DUSP5: variants seen among roughly 807,000 people sequenced by gnomAD.
The protein encoded by DUSP5 is dual specificity phosphatase 5.
DUSP5 carries 22 observed loss-of-function variants against 33.6 expected under a neutral mutation model. The ratio of observed to expected loss-of-function variants is 0.66; its 90% CI spans 0.47 to 0.94. The LOEUF (loss-of-function observed/expected upper bound fraction) is 0.94. Ranked by LOEUF, DUSP5 falls within the 40% of genes least tolerant of loss-of-function variation. The pLI is 0.00. For missense variants in DUSP5, 551 were observed against 522.1 expected (o/e 1.06, Z -0.54); for synonymous variants, 270 against 231.1 (o/e 1.17, Z -1.53).
chr10:110,504,811 G>A (rs1860098692), intron 2 of DUSP5, among the ~76,000 whole-genome samples: 1 of 152,202 alleles, frequency 6.6e-6, no homozygotes, highest in Non-Finnish European at 1.5e-5. Context: ...GCAGCTATGT[G>A]ACGTGCCAGG....
intron 1 of DUSP5, among the ~76,000 whole-genome samples, chr10:110,502,135 C>G (rs921638745): frequency 6.9e-6 from 1 of 145,472 alleles, no homozygotes; most frequent in Middle Eastern, 3.5e-3. Context: ...ATTGATGACT[C>G]CAAATTGGAC....
intron 2 of DUSP5, 104 bp from the exon 3 acceptor site, chr10:110,506,831 G>A: frequency 7.8e-7 from 1 of 1,274,962 alleles, no homozygotes; most frequent in Non-Finnish European, 1.1e-6. Flanking sequence ...ACCAGAAAGG[G>A]AACCACCCAT....
chr10:110,502,561 G>C (rs1860066790), intron 1 of DUSP5, among the ~76,000 whole-genome samples, 160 bp from the exon 2 acceptor site: 1 of 152,070 alleles, frequency 6.6e-6, no homozygotes, highest in African/African-American at 2.4e-5. Context: ...TTCTAAATCT[G>C]TTTGCTGGTT....
In DUSP5 at chr10:110,510,006, T is replaced by C; in HGVS notation, c.749-14T>C. 1 of 1,565,724 alleles carries C rather than the reference T, an allele frequency of 6.4e-7. No homozygotes were observed. ...TAATCCCAACTCACTCCCACCATCT[T>C]TTCTTCCTTCCAGACTGTGTCAGGG... is the stretch of plus-strand genomic sequence containing the variant. On this transcript the variant is annotated splice_polypyrimidine_tract_variant and intron_variant, in intron 3 of 3. Coordinates refer to ENST00000369583, the MANE Select transcript of DUSP5 (RefSeq NM_004419.4).
rs1267378430 is a variant in DUSP5, at chr10:110,498,537, G to A, written c.379+37G>A. 3 of 1,406,800 alleles carry A rather than the reference G, an allele frequency of 2.1e-6. No individual in the cohort carries two copies. The Admixed American group carries it at 9.0e-5, about 42-fold the overall frequency. The allele number at this position is 1,406,800 out of a possible 1,614,324, so 87.1% of individuals were successfully genotyped here. The stretch of plus-strand genomic sequence containing the variant: ...GGGTCCCTGCCACGCTCGCCCCTCC[G>A]GCGCCCCCGGGTCCCCTCCCTGCGC... On this transcript the variant is annotated intron_variant, in intron 1 of 3. Coordinates refer to ENST00000369583, the MANE Select transcript of DUSP5 (RefSeq NM_004419.4).
At position 110,510,733 on chromosome 10, in the gene DUSP5, A is replaced by T. The variant is rs1860181785; in HGVS notation, c.*307A>T. 6.7e-6 allele frequency: 2 copies of T among 296,832 alleles called. No individual in the cohort carries two copies. The allele number at this position is 296,832 out of a possible 1,614,324, so 18.4% of individuals were successfully genotyped here. On this transcript the variant is annotated 3_prime_UTR_variant, in exon 4 of 4. Coordinates refer to ENST00000369583, the MANE Select transcript of DUSP5 (RefSeq NM_004419.4). ...GAGTTCGCCTTTTCATTTCAAGCAT[A>T]AGGCAATAAATACCTGCAGCAACGT...
chr10:110,498,120 G>T lies in DUSP5; in HGVS notation c.-2G>T, dbSNP rs1859980334. On this transcript the variant is annotated 5_prime_UTR_variant, in exon 1 of 4. Coordinates refer to ENST00000369583, the MANE Select transcript of DUSP5 (RefSeq NM_004419.4). ...GGGCCGCTGGCCGGCGGCGGCGGCGGCATGAAGGTCACGTCGCTCGACGGG... is the reference window on the plus strand; with the variant it reads ...GGGCCGCTGGCCGGCGGCGGCGGCGTCATGAAGGTCACGTCGCTCGACGGG... The T allele has an allele frequency of 7.3e-7, 1 of 1,377,792 alleles. No homozygotes were observed. The allele number at this position is 1,377,792 out of a possible 1,614,324, so 85.3% of individuals were successfully genotyped here.
intron 1 of DUSP5, among the ~76,000 whole-genome samples, chr10:110,499,040 C>T (rs1175422721): frequency 3.9e-5 from 6 of 152,036 alleles, no homozygotes; most frequent in African/African-American, 2.4e-5. Flanking sequence ...TTATTGTTTC[C>T]CTCCGGCCTC....
rs1859986378 is a variant in DUSP5 at position 110,498,293 on chromosome 10, G to A, written c.172G>A (p.Gly58Ser). 2 of 1,444,688 alleles carry A rather than the reference G, an allele frequency of 1.4e-6. No homozygotes were observed. The highest frequency in any genetic ancestry group is 1.8e-6 in the Non-Finnish European group (2 of 1,092,932). 89.5% of individuals were successfully genotyped at this position (1,444,688 alleles called of 1,614,324 possible). The change falls in exon 1 of 4, where the codon GGC (glycine) becomes AGC (serine). Residue 58 changes from glycine to serine, a missense_variant. Gly to Ser is a moderately conservative substitution (Grantham distance 56). Around this residue, in one of 3 missense-constraint regions of DUSP5, gnomAD observed 381 missense variants for 310.4 expected, o/e 1.23. Coordinates refer to ENST00000369583, the MANE Select transcript of DUSP5 (RefSeq NM_004419.4). Reference protein sequence around the residue: ...NSVVLRRARGGAVSARYVLPD... With the variant: ...NSVVLRRARGSAVSARYVLPD... Reference sequence around the variant, plus strand: ...GGTGGTGCTGCGGCGGGCCCGGGGCGGCGCGGTGTCGGCGCGCTACGTGCT... The same window carrying A: ...GGTGGTGCTGCGGCGGGCCCGGGGCAGCGCGGTGTCGGCGCGCTACGTGCT...
intron 2 of DUSP5, among the ~76,000 whole-genome samples, chr10:110,504,830 C>T (rs1430783691): frequency 6.6e-6 from 1 of 152,210 alleles, no homozygotes; most frequent in Non-Finnish European, 1.5e-5. Flanking sequence ...GGTTTTAATG[C>T]ATTCATTATC....
At position 110,510,194 on chromosome 10, in the gene DUSP5, G is replaced by A; in HGVS notation, c.923G>A (p.Gly308Asp). The part of the protein sequence containing the change: ...SMVSPNFGFM[G>D]QLLQYESEIL... ...GTCTCGCCCAACTTTGGCTTCATGG[G>A]CCAGCTCCTGCAGTACGAATCTGAG... is the stretch of plus-strand genomic sequence containing the variant. The change falls in exon 4 of 4, where the codon GGC becomes GAC. Residue 308 changes from glycine (G) to aspartate (D), a missense_variant. Gly to Asp is a moderately conservative substitution (Grantham distance 94). Transcript: ENST00000369583. 1 of 1,614,210 alleles carries A rather than the reference G, an allele frequency of 6.2e-7. No individual in the cohort carries two copies. The highest frequency in any genetic ancestry group is 8.5e-7 in the Non-Finnish European group (1 of 1,180,022).
intron 1 of DUSP5, among the ~76,000 whole-genome samples, chr10:110,500,667 C>G (rs899881673): frequency 2.0e-5 from 3 of 152,220 alleles, no homozygotes; most frequent in African/African-American, 4.8e-5. Flanking sequence ...TGTGCTCTCT[C>G]TGTTCCCTGG....
chr10:110,508,030 G>T (rs1487903666), intron 3 of DUSP5, among the ~76,000 whole-genome samples: 1 of 152,224 alleles, frequency 6.6e-6, no homozygotes, highest in Non-Finnish European at 1.5e-5. Flanking sequence ...CCTGTCTCTT[G>T]TTCCAAGGGA....
At chr10:110,505,562 G>T (rs1860107508) in intron 2 of DUSP5, among the ~76,000 whole-genome samples, 1 of 152,168 alleles carries the variant, frequency 6.6e-6, no homozygotes, top group South Asian at 2.1e-4. Flanking sequence ...CCTGTGGCTG[G>T]CCCCTGTCCC....
intron 1 of DUSP5, among the ~76,000 whole-genome samples, chr10:110,499,242 A>G (rs1860007685): frequency 6.6e-6 from 1 of 151,128 alleles, no homozygotes; most frequent in Admixed American, 6.6e-5. Context: ...TTGATTTGAC[A>G]CCTCCCGGAG....
Position 110,507,139 on chromosome 10 carries a change from G to A in DUSP5, c.733G>A (p.Ala245Thr), listed in dbSNP as rs1296595016. 1.9e-6 allele frequency: 3 copies of A among 1,613,486 alleles called. No homozygotes were observed. Among genetic ancestry groups the A allele is most frequent in the Non-Finnish European group, 1.7e-6 (2 of 1,180,026 alleles). ...TADISSHFQEAIDFIDCVREK... is the reference protein window; with the variant it reads ...TADISSHFQETIDFIDCVREK... ...TGACATTAGCTCCCACTTTCAAGAA[G>A]CAATAGACTTCATTGGTAGGTTTAG... Residue 245 changes from alanine (A) to threonine (T), a missense_variant, in exon 3 of 4, where the codon GCA becomes ACA. Ala to Thr is a moderately conservative substitution (Grantham distance 58). This residue lies in a region of DUSP5 where 158 missense variants were observed against 181.8 expected (regional missense o/e 0.87). Transcript: ENST00000369583.
chr10:110,498,832 G>A (rs896591089), intron 1 of DUSP5, among the ~76,000 whole-genome samples: 1 of 152,098 alleles, frequency 6.6e-6, no homozygotes, highest in Non-Finnish European at 1.5e-5. Context: ...CGCGAGCTTC[G>A]CCGCTGTCGC....
At chr10:110,498,537 G>T in intron 1 of DUSP5, 37 bp downstream of exon 1, 2 of 1,406,800 alleles carry the variant, frequency 1.4e-6, no homozygotes, top group East Asian at 5.9e-5. Flanking sequence ...TCGCCCCTCC[G>T]GCGCCCCCGG....
intron 2 of DUSP5, among the ~76,000 whole-genome samples, chr10:110,505,060 G>C (rs889080847): frequency 6.6e-6 from 1 of 152,224 alleles, no homozygotes; most frequent in African/African-American, 2.4e-5. Context: ...TGGAAGTTTG[G>C]GAGGTTTCGA....
Sources: gnomAD v4.1 joint callset for allele counts (sites outside exome capture counted in the v4.1 genomes callset) on GRCh38, gnomAD v4.1.1 for gene constraint, gnomAD v4.1.1 regional missense constraint, MANE v1.5 for transcripts, NCBI Gene and HGNC (gene_info 2026-07-23, HGNC 2026-07-21) for gene names.